SLC39A11: variants seen among roughly 807,000 people sequenced by gnomAD.
SLC39A11 encodes the protein zinc transporter ZIP11.
Under a neutral mutation model 36.1 loss-of-function variants are expected in SLC39A11, and 33 were observed. The observed-to-expected ratio is 0.91, with a 90% confidence interval of 0.69 to 1.22. SLC39A11 has a LOEUF of 1.22. Among genes scored for constraint, SLC39A11 ranks in the 50% most tolerant of loss-of-function variants. SLC39A11 has a pLI of 0.00. For synonymous variants in SLC39A11, 166 were observed against 170.3 expected (o/e 0.97, Z 0.20); for missense variants, 432 against 430.3 (o/e 1.00, Z -0.03).
intron 5 of SLC39A11, 22 bp from the exon 6 acceptor site, chr17:72,849,826 G>T: frequency 6.8e-7 from 1 of 1,472,174 alleles, no homozygotes; most frequent in Non-Finnish European, 9.1e-7. Context: ...AAAAAAAAAA[G>T]AGAGATGGGG....
Position 72,755,908 on chromosome 17 carries a change from G to A in SLC39A11, c.602-19189C>T, listed in dbSNP as rs117130514. On this transcript the variant is annotated intron_variant, in intron 6 of 9. Transcript: ENST00000255559. ...TGAACTAGGGTAGCTCTGGAGAGCC[G>A]GGAGCTAATAGTTGGCTGACAGTGG... Among the ~76,000 whole-genome samples the A allele has an allele frequency of 8.1e-4, 123 of 152,336 alleles. 2 individuals are homozygous for A. In the East Asian group the frequency reaches 0.019, roughly 24 times the overall value.
chr17:72,923,198 C>T (rs9908917), intron 5 of SLC39A11, among the ~76,000 whole-genome samples: 21,413 of 151,884 alleles, frequency 0.14, 1,948 homozygotes, highest in Non-Finnish European at 0.19. Flanking sequence ...TGCACAATGT[C>T]ATACACTGTG....
At chr17:72,715,944 G>A (rs558779602) in intron 7 of SLC39A11, among the ~76,000 whole-genome samples, 6 of 152,232 alleles carry the variant, frequency 3.9e-5, no homozygotes, top group East Asian at 1.9e-4. Flanking sequence ...TGATCCGCCC[G>A]CTTCAGCCTC....
intron 3 of SLC39A11, among the ~76,000 whole-genome samples, chr17:73,061,642 T>C (rs2059843024): frequency 1.3e-5 from 2 of 152,182 alleles, no homozygotes; most frequent in African/African-American, 4.8e-5. Flanking sequence ...AAGCGTAGAC[T>C]CATAGAGGGC....
At chr17:72,783,784 C>T (rs143877747) in intron 6 of SLC39A11, among the ~76,000 whole-genome samples, 30 of 152,260 alleles carry the variant, frequency 2.0e-4, no homozygotes, top group African/African-American at 6.5e-4. Flanking sequence ...AGTTAACAGG[C>T]GCCCACGTCA....
At chr17:73,036,144 T>A (rs2058907547) in intron 3 of SLC39A11, among the ~76,000 whole-genome samples, 1 of 152,254 alleles carries the variant, frequency 6.6e-6, no homozygotes, top group African/African-American at 2.4e-5. Context: ...TACTGTAAGA[T>A]AATAAATTTG....
chr17:72,874,271 G>A (rs1255387612), intron 5 of SLC39A11, among the ~76,000 whole-genome samples: 3 of 152,178 alleles, frequency 2.0e-5, no homozygotes, highest in Non-Finnish European at 4.4e-5. Context: ...TGGGACTGGT[G>A]AGCATAAATG....
Position 72,889,785 on chromosome 17 carries a change from C to T in SLC39A11, c.431-39981G>A, listed in dbSNP as rs549771985. ...CCTGAGCCACAAAGACTCACTTGCACGGCAATAGTTTTTTCATTGTTTGTA... is the reference window on the plus strand; with the variant it reads ...CCTGAGCCACAAAGACTCACTTGCATGGCAATAGTTTTTTCATTGTTTGTA... On this transcript the variant is annotated intron_variant, in intron 5 of 9. Coordinates refer to ENST00000255559, the MANE Select transcript of SLC39A11 (RefSeq NM_139177.4). Among the ~76,000 whole-genome samples the T allele has an allele frequency of 4.6e-5, 7 of 152,234 alleles. No individual in the cohort carries two copies. The South Asian group carries it at 8.3e-4, about 18-fold the overall frequency.
chr17:72,768,083 C>A (rs2075816035), intron 6 of SLC39A11, among the ~76,000 whole-genome samples: 1 of 151,984 alleles, frequency 6.6e-6, no homozygotes, highest in Non-Finnish European at 1.5e-5. Flanking sequence ...CTGGTGGGGG[C>A]CACAGGAGCT....
chr17:72,721,159 C>T (rs2073656246), intron 7 of SLC39A11, among the ~76,000 whole-genome samples: 1 of 150,160 alleles, frequency 6.7e-6, no homozygotes, highest in South Asian at 2.1e-4. Context: ...CGCAGCAGCG[C>T]GATCTCGGCT....
At chr17:72,675,170 C>G (rs2071201438) in intron 7 of SLC39A11, among the ~76,000 whole-genome samples, 1 of 152,150 alleles carries the variant, frequency 6.6e-6, no homozygotes, top group Admixed American at 6.5e-5. Flanking sequence ...ATTGTGAAAC[C>G]TAATCACGAT....
At chr17:72,745,976 G>GT (rs2074918868) in intron 6 of SLC39A11, among the ~76,000 whole-genome samples, 1 of 152,180 alleles carries the variant, frequency 6.6e-6, no homozygotes, top group African/African-American at 2.4e-5. Flanking sequence ...TAAAGACAGA[G>GT]TAAGAGAAAA....
intron 7 of SLC39A11, among the ~76,000 whole-genome samples, chr17:72,676,041 C>G (rs1223569555): frequency 1.3e-5 from 2 of 149,902 alleles, no homozygotes; most frequent in Non-Finnish European, 3.0e-5. Context: ...GTTACAAGCC[C>G]TTGTCACTCT....
intron 7 of SLC39A11, among the ~76,000 whole-genome samples, 163 bp downstream of exon 7, chr17:72,736,487 C>T (rs1438624442): frequency 2.0e-5 from 3 of 152,198 alleles, no homozygotes; most frequent in African/African-American, 7.2e-5. Flanking sequence ...ACTCCTCTCT[C>T]AGGGATGGCC....
intron 4 of SLC39A11, among the ~76,000 whole-genome samples, chr17:72,989,957 G>C (rs569414214): frequency 6.6e-6 from 1 of 152,294 alleles, no homozygotes; most frequent in South Asian, 2.1e-4. Flanking sequence ...CTTTCGATGA[G>C]ACGTCATCCT....
chr17:72,892,853 A>G (rs1365632094), intron 5 of SLC39A11, among the ~76,000 whole-genome samples: 2 of 152,240 alleles, frequency 1.3e-5, no homozygotes, highest in Non-Finnish European at 1.5e-5. Flanking sequence ...GACTTGTTGG[A>G]TCCAAAAGAC....
intron 5 of SLC39A11, among the ~76,000 whole-genome samples, chr17:72,938,550 G>A (rs756840490): frequency 6.6e-6 from 1 of 152,134 alleles, no homozygotes; most frequent in African/African-American, 2.4e-5. Flanking sequence ...CAAAACCAAC[G>A]TGCCACCCTG....
chr17:72,736,365 T>C lies in SLC39A11; in HGVS notation c.671+285A>G, dbSNP rs377749110. ...GGCTGCCTTTGTTTTTTGTCATTAG[T>C]CTTCACACCTTTGAAGTGCTTAGAG... is the stretch of plus-strand genomic sequence containing the variant. On this transcript the variant is annotated intron_variant, in intron 7 of 9. Coordinates refer to ENST00000255559, the MANE Select transcript of SLC39A11 (RefSeq NM_139177.4). Among the ~76,000 whole-genome samples, 16 of 152,294 alleles carry C rather than the reference T, an allele frequency of 1.1e-4. No individual in the cohort carries two copies. In the East Asian group the frequency reaches 2.3e-3, roughly 22 times the overall value.
At chr17:72,722,232 C>T (rs1189807245) in intron 7 of SLC39A11, among the ~76,000 whole-genome samples, 1 of 152,150 alleles carries the variant, frequency 6.6e-6, no homozygotes, top group Non-Finnish European at 1.5e-5. Context: ...GACTCCCCTT[C>T]CCTCCCTGCC....
Sources: gnomAD v4.1 joint callset for allele counts (sites outside exome capture counted in the v4.1 genomes callset) on GRCh38, gnomAD v4.1.1 for gene constraint, MANE v1.5 for transcripts, NCBI Gene and HGNC (gene_info 2026-07-23, HGNC 2026-07-21) for gene names.